The following KCNQ3 variants were observed in gnomAD, a reference collection of about 807,000 sequenced individuals.
KCNQ3 encodes the protein potassium voltage-gated channel subfamily Q member 3, also known as potassium voltage-gated channel subfamily KQT member 3.
KCNQ3 carries 30 observed loss-of-function variants against 92.5 expected under a neutral mutation model. The ratio of observed to expected loss-of-function variants is 0.32; its 90% CI spans 0.24 to 0.44. KCNQ3 has a LOEUF of 0.44. KCNQ3 is among the 20% of genes least tolerant of loss of function. The pLI, the probability that KCNQ3 is intolerant of heterozygous loss-of-function variation, is 1.00. For missense variants in KCNQ3, 913 were observed against 1,140.3 expected (o/e 0.80, Z 2.87); for synonymous variants, 450 against 468.8 (o/e 0.96, Z 0.52).
At chr8:132,275,749 T>C (rs972684398) in intron 1 of KCNQ3, among the ~76,000 whole-genome samples, 1 of 152,108 alleles carries the variant, frequency 6.6e-6, no homozygotes, top group African/African-American at 2.4e-5. Flanking sequence ...GGCTAATTTT[T>C]TGTATTTTTA....
chr8:132,143,665 C>G (rs889396369), intron 9 of KCNQ3, among the ~76,000 whole-genome samples: 1 of 152,158 alleles, frequency 6.6e-6, no homozygotes, highest in Non-Finnish European at 1.5e-5. Context: ...TAATGCATGT[C>G]GAGTGCTCAG....
At chr8:132,434,324 T>C (rs1821337221) in intron 1 of KCNQ3, among the ~76,000 whole-genome samples, 1 of 152,210 alleles carries the variant, frequency 6.6e-6, no homozygotes, top group African/African-American at 2.4e-5. Context: ...TTTTTCTTTG[T>C]AGGTTTTATC....
At chr8:132,477,282 T>C (rs1197274588) in intron 1 of KCNQ3, among the ~76,000 whole-genome samples, 1 of 152,010 alleles carries the variant, frequency 6.6e-6, no homozygotes, top group Non-Finnish European at 1.5e-5. Context: ...GATTTCCATA[T>C]TTCCTGTATT....
At chr8:132,179,655 C>G (rs1239450031) in intron 4 of KCNQ3, among the ~76,000 whole-genome samples, 1 of 152,180 alleles carries the variant, frequency 6.6e-6, no homozygotes, top group Non-Finnish European at 1.5e-5. Context: ...TCATCTAACC[C>G]TATGAAGTCA....
At position 132,122,217 on chromosome 8, in the gene KCNQ3, G is replaced by A. The variant is rs552975477; in HGVS notation, c.*7045C>T. 6.6e-6 allele frequency: 1 copy of A among 152,142 alleles called. No homozygotes were observed. The highest frequency in any genetic ancestry group is 1.5e-5 in the Non-Finnish European group (1 of 68,024). The allele number at this position is 152,142 out of a possible 1,614,324, so 9.4% of individuals were successfully genotyped here. On this transcript the variant is annotated 3_prime_UTR_variant, in exon 15 of 15. Transcript: ENST00000388996. Reference sequence around the variant, plus strand: ...TCTTCAGTTTCCTCATCTATAAGATGGAGACAATAACATCTCCCTCATGGG... The same window carrying A: ...TCTTCAGTTTCCTCATCTATAAGATAGAGACAATAACATCTCCCTCATGGG...
intron 14 of KCNQ3, among the ~76,000 whole-genome samples, chr8:132,130,960 C>T (rs1402304551): frequency 1.3e-5 from 2 of 152,154 alleles, no homozygotes; most frequent in Non-Finnish European, 2.9e-5. Context: ...GATATGAGCA[C>T]CATGATCAGC....
At chr8:132,180,659 G>T (rs145913754) in intron 3 of KCNQ3, among the ~76,000 whole-genome samples, 1,598 of 152,102 alleles carry the variant, frequency 0.011, 31 homozygotes, top group African/African-American at 0.037. Context: ...TTCACTCTGG[G>T]GCCCAGAGGA....
At chr8:132,456,054 T>C (rs183863809) in intron 1 of KCNQ3, among the ~76,000 whole-genome samples, 4 of 152,246 alleles carry the variant, frequency 2.6e-5, no homozygotes, top group Admixed American at 2.6e-4. Flanking sequence ...CGATGGATAC[T>C]ATTAATATTC....
intron 1 of KCNQ3, among the ~76,000 whole-genome samples, chr8:132,425,844 T>C (rs1821095233): frequency 1.3e-5 from 2 of 152,250 alleles, no homozygotes; most frequent in African/African-American, 4.8e-5. Flanking sequence ...TTTTCCAGTC[T>C]TGGCTGTATT....
intron 1 of KCNQ3, among the ~76,000 whole-genome samples, chr8:132,335,526 T>A (rs1818345474): frequency 6.6e-6 from 1 of 151,986 alleles, no homozygotes; most frequent in Admixed American, 6.6e-5. Context: ...ACCCTGGGGG[T>A]TCTTGGTCTG....
intron 9 of KCNQ3, among the ~76,000 whole-genome samples, chr8:132,154,192 A>ATTTTTTTTTTTTTTTTTTTTTTT (rs1563775830): frequency 2.2e-4 from 23 of 104,474 alleles, no homozygotes; most frequent in African/African-American, 4.0e-4. Flanking sequence ...AAAGGGTAAA[A>ATTTTTTTTTTTTTTTTTTTTTTT]GTTTTTTTTT....
At chr8:132,277,291 C>G (rs957642729) in intron 1 of KCNQ3, among the ~76,000 whole-genome samples, 3 of 152,230 alleles carry the variant, frequency 2.0e-5, no homozygotes, top group African/African-American at 7.2e-5. Context: ...CATTCAAACT[C>G]AGGACTCTTG....
chr8:132,439,513 A>G (rs1821480301), intron 1 of KCNQ3, among the ~76,000 whole-genome samples: 1 of 152,134 alleles, frequency 6.6e-6, no homozygotes, highest in Non-Finnish European at 1.5e-5. Flanking sequence ...TACATGGCAA[A>G]GGGGAGTCAA....
chr8:132,470,208 G>T (rs565196255), intron 1 of KCNQ3, among the ~76,000 whole-genome samples: 11 of 152,274 alleles, frequency 7.2e-5, no homozygotes, highest in Non-Finnish European at 1.0e-4. Context: ...ACAGTTCTCA[G>T]CCTGGCTTCA....
chr8:132,129,083 G>C lies in KCNQ3; in HGVS notation c.*179C>G. 1 of 651,698 alleles carries C rather than the reference G, an allele frequency of 1.5e-6. No individual in the cohort carries two copies. The highest frequency in any genetic ancestry group is 1.9e-5 in the South Asian group (1 of 53,090). 40.4% of individuals were successfully genotyped at this position (651,698 alleles called of 1,614,324 possible). ...AACCATGCTGAAAAGGAAGCACTTT[G>C]TTGTGGTGACATGGGGAGGAAGAGG... On this transcript the variant is annotated 3_prime_UTR_variant, in exon 15 of 15. Transcript: ENST00000388996. This position sits in a 1 kb window ranked among gnomAD's most constrained non-coding sequence, Gnocchi z 5.9.
chr8:132,137,758 C>T (rs910398379), intron 12 of KCNQ3, 127 bp downstream of exon 12: 18 of 1,161,380 alleles, frequency 1.5e-5, no homozygotes, highest in Middle Eastern at 4.1e-4. Flanking sequence ...CACAAGGCTT[C>T]GTGGATATTT....
At chr8:132,396,096 A>G (rs1820184825) in intron 1 of KCNQ3, among the ~76,000 whole-genome samples, 1 of 152,164 alleles carries the variant, frequency 6.6e-6, no homozygotes, top group African/African-American at 2.4e-5. Context: ...ATTAGAGGAG[A>G]TGGCGCAGGA....
chr8:132,419,692 G>A (rs115352192), intron 1 of KCNQ3, among the ~76,000 whole-genome samples: 2,663 of 152,272 alleles, frequency 0.017, 75 homozygotes, highest in African/African-American at 0.06. Context: ...TCTAGGTGTT[G>A]TACCTCAAAA....
At chr8:132,363,271 G>A (rs1382243636) in intron 1 of KCNQ3, among the ~76,000 whole-genome samples, 1 of 152,186 alleles carries the variant, frequency 6.6e-6, no homozygotes, top group Non-Finnish European at 1.5e-5. Context: ...TGGAAAATGA[G>A]TTTGGAAAAG....
Sources: gnomAD v4.1 joint callset for allele counts (sites outside exome capture counted in the v4.1 genomes callset) on GRCh38, gnomAD v4.1.1 for gene constraint, Gnocchi (gnomAD v3.1) non-coding constraint, MANE v1.5 for transcripts, NCBI Gene and HGNC (gene_info 2026-07-23, HGNC 2026-07-21) for gene names.